The following TSPAN5 variants were observed in gnomAD, a reference collection of about 807,000 sequenced individuals.
TSPAN5 encodes tetraspanin 5.
Under a neutral mutation model 37.1 loss-of-function variants are expected in TSPAN5, and 10 were observed. The observed-to-expected ratio is 0.27, with a 90% CI of 0.17 to 0.46. The LOEUF is 0.46. Among genes scored for constraint, TSPAN5 ranks in the 20% least tolerant of loss-of-function variants. TSPAN5 has a pLI of 1.00. For synonymous variants in TSPAN5, 110 were observed against 118.9 expected, an observed-to-expected ratio of 0.93 and a Z score of 0.48; for missense variants, 195 against 326.6, an observed-to-expected ratio of 0.60 and a Z score of 3.11.
chr4:98,492,084 C>T (rs1468522872), intron 2 of TSPAN5, among the ~76,000 whole-genome samples: 2 of 152,114 alleles, frequency 1.3e-5, no homozygotes, highest in African/African-American at 4.8e-5. Flanking sequence ...TGTAAGGATG[C>T]CTTCGCCCCT....
intron 1 of TSPAN5, among the ~76,000 whole-genome samples, chr4:98,575,111 C>T (rs1367739949): frequency 6.6e-6 from 1 of 152,062 alleles, no homozygotes; most frequent in African/African-American, 2.4e-5. Context: ...AGGAACACCT[C>T]ATGACACAGG....
At chr4:98,476,382 G>A (rs749137215) in intron 6 of TSPAN5, 31 bp downstream of exon 6, 35 of 1,613,916 alleles carry the variant, frequency 2.2e-5, no homozygotes, top group South Asian at 3.3e-5. Flanking sequence ...AACACCCTTC[G>A]TGCTAAGCAA....
At chr4:98,496,829 C>A (rs1182836419) in intron 2 of TSPAN5, 1 of 152,228 alleles carries the variant, frequency 6.6e-6, no homozygotes, top group African/African-American at 2.4e-5. Context: ...TACCTAGAAA[C>A]ATTCCAGCCT....
intron 1 of TSPAN5, among the ~76,000 whole-genome samples, chr4:98,650,334 G>T (rs767104334): frequency 1.3e-5 from 2 of 152,142 alleles, no homozygotes; most frequent in African/African-American, 4.8e-5. Flanking sequence ...CCAGAGCAGG[G>T]TATCTCAGGG....
chr4:98,551,236 T>C (rs1407885355), intron 1 of TSPAN5, among the ~76,000 whole-genome samples: 1 of 152,184 alleles, frequency 6.6e-6, no homozygotes, highest in Non-Finnish European at 1.5e-5. Context: ...TCCCACCTGA[T>C]CACGGTATAG....
chr4:98,497,153 C>T (rs543905373), intron 2 of TSPAN5, among the ~76,000 whole-genome samples: 14 of 152,010 alleles, frequency 9.2e-5, no homozygotes, highest in African/African-American at 3.4e-4. Flanking sequence ...AGTGAAACCC[C>T]GTCTCTACTA....
Position 98,580,241 on chromosome 4 carries a change from T to C in TSPAN5, c.82-72513A>G, listed in dbSNP as rs116414878. ...GTCTCTGAGAAACTATTTTAGGATGTGGCCACCCACCATATCAGGTCAGTG... is the reference window on the plus strand; with the variant it reads ...GTCTCTGAGAAACTATTTTAGGATGCGGCCACCCACCATATCAGGTCAGTG... On this transcript the variant is annotated intron_variant, in intron 1 of 7. Coordinates refer to ENST00000305798, the MANE Select transcript of TSPAN5 (RefSeq NM_005723.4). 5.9e-3 allele frequency among the ~76,000 whole-genome samples: 900 copies of C among 152,350 alleles called. 7 individuals carry two copies. Among genetic ancestry groups the C allele is most frequent in the African/African-American group, 0.021 (864 of 41,576 alleles).
intron 1 of TSPAN5, chr4:98,657,827 C>G (rs886765697): frequency 1.1e-5 from 4 of 348,778 alleles, no homozygotes; most frequent in African/African-American, 8.7e-5. Context: ...AAATCCAATT[C>G]GTGTGGTTGC....
chr4:98,640,390 C>T (rs558562141), intron 1 of TSPAN5, among the ~76,000 whole-genome samples: 77 of 152,232 alleles, frequency 5.1e-4, no homozygotes, highest in African/African-American at 1.2e-3. Flanking sequence ...TATTTATATA[C>T]ATGATTTTAC....
chr4:98,545,719 G>A (rs4699346), intron 1 of TSPAN5, among the ~76,000 whole-genome samples: 91,007 of 151,830 alleles, frequency 0.6, 27,587 homozygotes, highest in South Asian at 0.75. Flanking sequence ...TTTTGTAGAG[G>A]CAGGGTTTCA....
chr4:98,614,327 T>C (rs1756268729), intron 1 of TSPAN5, among the ~76,000 whole-genome samples: 1 of 152,224 alleles, frequency 6.6e-6, no homozygotes, highest in African/African-American at 2.4e-5. Flanking sequence ...GTCATCAGCC[T>C]GTCACACCCA....
At chr4:98,501,529 A>G (rs913684623) in intron 2 of TSPAN5, among the ~76,000 whole-genome samples, 5 of 152,222 alleles carry the variant, frequency 3.3e-5, no homozygotes, top group African/African-American at 1.2e-4. Context: ...GGAAAAACAC[A>G]AGGAAGGGGA....
At chr4:98,598,526 G>A (rs1484922956) in intron 1 of TSPAN5, among the ~76,000 whole-genome samples, 54 of 151,960 alleles carry the variant, frequency 3.6e-4, no homozygotes, top group South Asian at 8.3e-4. Context: ...GTGCAGTGGC[G>A]CGGTCTGTGC....
At chr4:98,606,692 G>T (rs557836571) in intron 1 of TSPAN5, among the ~76,000 whole-genome samples, 2 of 152,166 alleles carry the variant, frequency 1.3e-5, no homozygotes, top group African/African-American at 2.4e-5. Context: ...TATATGAAAG[G>T]CAATGAGGAA....
chr4:98,559,733 TCAGA>T lies in TSPAN5; in HGVS notation c.82-52009_82-52006del, dbSNP rs1308415885. The stretch of plus-strand genomic sequence containing the variant: ...CTGAACATTTTTAGCCCCTGTATCT[TCAGA>T]CAGAGTCTCAACATCCAGGTGCTCC... On this transcript the variant is annotated intron_variant, in intron 1 of 7. Coordinates refer to ENST00000305798, the MANE Select transcript of TSPAN5 (RefSeq NM_005723.4). Among the ~76,000 whole-genome samples the T allele has an allele frequency of 2.8e-4, 43 of 152,354 alleles. 1 individual carries two copies. The East Asian group carries it at 4.8e-3, about 17-fold the overall frequency.
intron 1 of TSPAN5, among the ~76,000 whole-genome samples, chr4:98,538,601 T>C (rs1220020746): frequency 6.6e-6 from 1 of 152,254 alleles, no homozygotes; most frequent in African/African-American, 2.4e-5. Flanking sequence ...TTCAGTTTTC[T>C]TCCCGTTGCT....
At chr4:98,484,064 C>A in intron 3 of TSPAN5, 4 of 186,444 alleles carry the variant, frequency 2.1e-5, no homozygotes, top group South Asian at 1.1e-4. Context: ...GTTCTCACCT[C>A]CATAAAAGTT....
intron 2 of TSPAN5, among the ~76,000 whole-genome samples, chr4:98,499,487 TA>T (rs1753291273): frequency 6.6e-6 from 1 of 152,212 alleles, no homozygotes; most frequent in Admixed American, 6.5e-5. Flanking sequence ...TTGACCCAAC[TA>T]AATTTTCATC....
chr4:98,506,569 C>T (rs1006750534), intron 2 of TSPAN5, among the ~76,000 whole-genome samples: 3 of 152,152 alleles, frequency 2.0e-5, no homozygotes, highest in Non-Finnish European at 1.5e-5. Flanking sequence ...TGTGGAAATG[C>T]CTACTGGCCT....
Sources: allele counts gnomAD v4.1 joint callset (sites outside exome capture counted in the v4.1 genomes callset), GRCh38; gene constraint gnomAD v4.1.1; transcripts MANE v1.5; gene names NCBI Gene and HGNC (gene_info 2026-07-23, HGNC 2026-07-21).